Variants in PHKB observed in about 807,000 individuals in gnomAD.
PHKB encodes the protein phosphorylase kinase regulatory subunit beta, also known as phosphorylase b kinase regulatory subunit beta.
A neutral mutation model predicts 152.1 loss-of-function variants in PHKB; 122 were observed. The observed-to-expected ratio is 0.80, with a 90% CI of 0.69 to 0.93. The LOEUF (loss-of-function observed/expected upper bound fraction) is 0.93, where lower values mean the gene tolerates loss of function less well. PHKB is among the 40% of genes least tolerant of loss of function. The probability of loss-of-function intolerance (pLI) is 0.00; values close to 1 mark genes in which losing one functional copy is unlikely to be tolerated. For synonymous variants in PHKB, 436 were observed against 464.9 expected, an observed-to-expected ratio of 0.94 and a Z score of 0.80; for missense variants, 1,304 against 1,328.4, an observed-to-expected ratio of 0.98 and a Z score of 0.29.
At chr16:47,698,327 T>C in intron 29 of PHKB, 121 bp from the exon 30 acceptor site, 1 of 798,362 alleles carries the variant, frequency 1.3e-6, no homozygotes, top group East Asian at 2.5e-5. Context: ...CTTCCATAGG[T>C]GATCCTTGAG....
intron 26 of PHKB, among the ~76,000 whole-genome samples, chr16:47,670,980 C>T (rs1973627982): frequency 6.6e-6 from 1 of 152,020 alleles, no homozygotes. Flanking sequence ...TCATCTGGTC[C>T]GTCTTACTTC....
chr16:47,544,512 G>A (rs1971123434), intron 6 of PHKB, among the ~76,000 whole-genome samples: 1 of 152,222 alleles, frequency 6.6e-6, no homozygotes, highest in Admixed American at 6.5e-5. Context: ...TTCCACGTAT[G>A]TGGTCAATTT....
chr16:47,556,999 AG>A (rs1039942545), intron 7 of PHKB, among the ~76,000 whole-genome samples: 4 of 152,186 alleles, frequency 2.6e-5, no homozygotes, highest in African/African-American at 9.7e-5. Context: ...TAGTCTTGGG[AG>A]GGTGTATGTG....
intron 1 of PHKB, among the ~76,000 whole-genome samples, chr16:47,465,644 A>G (rs919332575): frequency 6.6e-6 from 1 of 152,226 alleles, no homozygotes; most frequent in Non-Finnish European, 1.5e-5. Flanking sequence ...TAAAATTTGT[A>G]TCTGTTAAAA....
chr16:47,469,210 C>T (rs182880059), intron 1 of PHKB, among the ~76,000 whole-genome samples: 1 of 152,306 alleles, frequency 6.6e-6, no homozygotes, highest in East Asian at 1.9e-4. Context: ...ATCTATCACA[C>T]TGGAGACTGT....
At chr16:47,678,507 T>G (rs1973779915) in intron 26 of PHKB, among the ~76,000 whole-genome samples, 1 of 152,154 alleles carries the variant, frequency 6.6e-6, no homozygotes, top group Non-Finnish European at 1.5e-5. Context: ...GATTTGCATT[T>G]CTCTGATGGC....
Position 47,496,821 on chromosome 16 carries a change from A to G in PHKB, c.77-578A>G, listed in dbSNP as rs116875567. Among the ~76,000 whole-genome samples the G allele has an allele frequency of 3.7e-3, 565 of 152,362 alleles. 3 individuals are homozygous for G. Among genetic ancestry groups the G allele is most frequent in the Non-Finnish European group, 4.9e-3 (333 of 68,026 alleles). On this transcript the variant is annotated intron_variant, in intron 1 of 30. Coordinates refer to ENST00000323584, the MANE Select transcript of PHKB (RefSeq NM_000293.3). ...TAGTTTTCAAGGCTGAGAAGTAGAA[A>G]TGATCTGCTTATAGTACAGATAATA...
At chr16:47,679,447 G>C (rs1973804675) in intron 26 of PHKB, among the ~76,000 whole-genome samples, 1 of 152,024 alleles carries the variant, frequency 6.6e-6, no homozygotes, top group Non-Finnish European at 1.5e-5. Flanking sequence ...TTATTTCATT[G>C]AGCAGTGGTT....
intron 14 of PHKB, among the ~76,000 whole-genome samples, chr16:47,626,056 G>GTC (rs1433228677): frequency 6.6e-6 from 1 of 152,206 alleles, no homozygotes; most frequent in African/African-American, 2.4e-5. Context: ...TGCTTACTAA[G>GTC]TCTGGATGCA....
At chr16:47,672,034 G>T (rs944949253) in intron 26 of PHKB, among the ~76,000 whole-genome samples, 7 of 152,062 alleles carry the variant, frequency 4.6e-5, no homozygotes, top group African/African-American at 7.2e-5. Context: ...ATTGGTGTCA[G>T]TTACTTTCTC....
chr16:47,659,886 A>G (rs1348166429), intron 20 of PHKB, among the ~76,000 whole-genome samples: 3 of 151,922 alleles, frequency 2.0e-5, no homozygotes, highest in African/African-American at 7.3e-5. Context: ...ATTTTTTGAG[A>G]CGGAGTCTCA....
At chr16:47,560,920 C>T (rs1487898385) in intron 7 of PHKB, among the ~76,000 whole-genome samples, 1 of 151,918 alleles carries the variant, frequency 6.6e-6, no homozygotes, top group Non-Finnish European at 1.5e-5. Context: ...AAGATTTTTG[C>T]AAATATGTAT....
At chr16:47,491,295 C>G (rs1344825463) in intron 1 of PHKB, among the ~76,000 whole-genome samples, 1 of 152,096 alleles carries the variant, frequency 6.6e-6, no homozygotes, top group Non-Finnish European at 1.5e-5. Context: ...GTCTATATGT[C>G]AATTGCCTTA....
Position 47,642,863 on chromosome 16 carries a change from ACG to A in PHKB, c.1608+1173_1608+1174del, listed in dbSNP as rs1973049993. 2.6e-5 allele frequency among the ~76,000 whole-genome samples: 4 copies of A among 152,150 alleles called. No individual in the cohort carries two copies. In the South Asian group the frequency reaches 8.3e-4, roughly 32 times the overall value. On this transcript the variant is annotated intron_variant, in intron 16 of 30. Transcript: ENST00000323584. ...CTAGAGTAGGTAACAATTTAAACTC[ACG>A]CCCAGATGTACATAATGGTACAAGG...
At chr16:47,545,545 C>G (rs181113166) in intron 6 of PHKB, among the ~76,000 whole-genome samples, 4 of 152,050 alleles carry the variant, frequency 2.6e-5, no homozygotes, top group Admixed American at 6.6e-5. Context: ...TCATTTCAAC[C>G]TTGGTGAATT....
intron 1 of PHKB, among the ~76,000 whole-genome samples, chr16:47,490,927 A>T (rs891829026): frequency 4.6e-5 from 7 of 152,224 alleles, no homozygotes; most frequent in Middle Eastern, 3.4e-3. Flanking sequence ...ACTTGTTTGA[A>T]CCTTCAGCTT....
At chr16:47,546,943 T>C (rs1971180480) in intron 6 of PHKB, among the ~76,000 whole-genome samples, 1 of 152,142 alleles carries the variant, frequency 6.6e-6, no homozygotes, top group African/African-American at 2.4e-5. Context: ...GGTGTGCCGT[T>C]TGCCAAGACC....
chr16:47,644,603 T>C (rs537919486), intron 16 of PHKB, among the ~76,000 whole-genome samples: 1 of 152,300 alleles, frequency 6.6e-6, no homozygotes, highest in African/African-American at 2.4e-5. Flanking sequence ...GTTGGTTTGA[T>C]TTTCCATTTA....
At chr16:47,638,833 G>A (rs899739282) in intron 14 of PHKB, among the ~76,000 whole-genome samples, 2 of 152,186 alleles carry the variant, frequency 1.3e-5, no homozygotes, top group African/African-American at 4.8e-5. Flanking sequence ...CAGGGCTTGA[G>A]TATGTGTATA....
Sources: allele counts gnomAD v4.1 joint callset (sites outside exome capture counted in the v4.1 genomes callset), GRCh38; gene constraint gnomAD v4.1.1; transcripts MANE v1.5; gene names NCBI Gene and HGNC (gene_info 2026-07-23, HGNC 2026-07-21).